The following SEL1L3 variants were observed in gnomAD, a reference collection of about 807,000 sequenced individuals.
SEL1L3 encodes the protein SEL1L family member 3.
SEL1L3 carries 76 observed loss-of-function variants against 142.8 expected under a neutral mutation model. That is an observed-to-expected ratio of 0.53 (90% CI 0.44 to 0.64). The LOEUF (loss-of-function observed/expected upper bound fraction) is 0.64. Ranked by LOEUF, SEL1L3 falls within the 30% of genes least tolerant of loss-of-function variation. The probability of loss-of-function intolerance (pLI) is 0.00; values close to 1 mark genes in which losing one functional copy is unlikely to be tolerated. For synonymous variants in SEL1L3, 504 were observed against 519.6 expected, an observed-to-expected ratio of 0.97 and a Z score of 0.41; for missense variants, 1,262 against 1,381.7, an observed-to-expected ratio of 0.91 and a Z score of 1.37.
chr4:25,861,517 CA>C (rs1717703720), intron 1 of SEL1L3, among the ~76,000 whole-genome samples: 1 of 152,024 alleles, frequency 6.6e-6, no homozygotes, highest in Admixed American at 6.5e-5. Context: ...TCTTCAGAAT[CA>C]AATTCTAATT....
chr4:25,840,840 G>C (rs1425273228), intron 2 of SEL1L3, among the ~76,000 whole-genome samples: 1 of 152,048 alleles, frequency 6.6e-6, no homozygotes, highest in East Asian at 1.9e-4. Flanking sequence ...TCAACACCAT[G>C]CTCTAGGCAG....
chr4:25,737,646 T>C, the SEL1L3 span, among the ~76,000 whole-genome samples: 1 of 152,190 alleles, frequency 6.6e-6, no homozygotes, highest in African/African-American at 2.4e-5. Context: ...AAAAATACAG[T>C]AGTGTCTCTG....
intron 23 of SEL1L3, chr4:25,756,970 A>G: frequency 5.8e-6 from 7 of 1,215,500 alleles, no homozygotes; most frequent in Non-Finnish European, 7.4e-6. Context: ...CTTTTTAAAG[A>G]AAGTCCTTAT....
Position 25,785,391 on chromosome 4 carries a change from G to A in SEL1L3, c.2218-1101C>T, listed in dbSNP as rs1410677365. 5.9e-5 allele frequency among the ~76,000 whole-genome samples: 9 copies of A among 152,268 alleles called. No homozygotes were observed. In the East Asian group the frequency reaches 1.7e-3, roughly 29 times the overall value. ...GAAATGGGGGCAGAATTTGAATCCA[G>A]ACAAATGGACTCCAGAATCCAAGCT... On this transcript the variant is annotated intron_variant, in intron 13 of 23. Coordinates refer to ENST00000399878, the MANE Select transcript of SEL1L3 (RefSeq NM_015187.5).
In SEL1L3 at chr4:25,788,280, C is replaced by T. The variant is rs767645920; in HGVS notation, c.2161G>A (p.Ala721Thr). The T allele has an allele frequency of 5.0e-6, 8 of 1,613,938 alleles. No homozygotes were observed. The highest frequency in any genetic ancestry group is 3.3e-5 in the Admixed American group (2 of 60,022). Residue 721 changes from alanine (A) to threonine (T), a missense_variant, in exon 13 of 24, where the codon GCC becomes ACC. By Grantham distance (58) the Ala-to-Thr change is moderately conservative. Transcript: ENST00000399878. This position sits in a 1 kb window ranked among gnomAD's most constrained non-coding sequence, Gnocchi z 5.3. ...AACGCAGGATCCTCCGTCTCCAGGG[C>T]GCCCTTGGCGTACCACTCAATTGCT... ...EAAIEWYAKG[A>T]LETEDPALIY...
chr4:25,742,717 C>T (rs1717155608), downstream of SEL1L3, among the ~76,000 whole-genome samples: 1 of 152,184 alleles, frequency 6.6e-6, no homozygotes, highest in Admixed American at 6.5e-5. Context: ...TTTAATATTA[C>T]TTAGTATTTA....
intron 1 of SEL1L3, among the ~76,000 whole-genome samples, chr4:25,848,259 C>T (rs1018460664): frequency 2.0e-4 from 31 of 152,354 alleles, no homozygotes; most frequent in Middle Eastern, 6.8e-3. Context: ...ATTGTCCTGA[C>T]TTTAAATGGT....
intron 21 of SEL1L3, 88 bp from the exon 22 acceptor site, chr4:25,757,878 ATTC>A: frequency 1.1e-6 from 1 of 879,748 alleles, no homozygotes; most frequent in South Asian, 1.5e-5. Context: ...ACAAACCTAC[ATTC>A]TTCTGCTTTT....
intron 3 of SEL1L3, among the ~76,000 whole-genome samples, chr4:25,834,446 C>CT (rs1245620562): frequency 1.3e-5 from 2 of 152,124 alleles, no homozygotes; most frequent in African/African-American, 4.8e-5. Context: ...CCCCAGTAAC[C>CT]AATTTACAGT....
At chr4:25,856,018 G>A (rs13131975) in intron 1 of SEL1L3, among the ~76,000 whole-genome samples, 49,633 of 152,026 alleles carry the variant, frequency 0.33, 9,963 homozygotes, top group Admixed American at 0.44. Flanking sequence ...GAACTGTGAG[G>A]TCAGAGAAGG....
the SEL1L3 span, among the ~76,000 whole-genome samples, chr4:25,739,693 G>C: frequency 6.7e-6 from 1 of 150,132 alleles, no homozygotes; most frequent in African/African-American, 2.5e-5. Flanking sequence ...GTGACAGAGA[G>C]AGACTCCGTC....
At chr4:25,778,857 A>T (rs1229031672) in intron 16 of SEL1L3, among the ~76,000 whole-genome samples, 4 of 152,224 alleles carry the variant, frequency 2.6e-5, no homozygotes, top group Admixed American at 2.6e-4. Context: ...TAGGGGTGGG[A>T]TGAAGTGAGG....
At chr4:25,727,200 G>C in the SEL1L3 span, among the ~76,000 whole-genome samples, 1 of 151,976 alleles carries the variant, frequency 6.6e-6, no homozygotes, top group Non-Finnish European at 1.5e-5. Flanking sequence ...CTACAGGCCT[G>C]TGCCACTACG....
Position 25,766,344 on chromosome 4 carries a change from G to A in SEL1L3, c.2846-909C>T, listed in dbSNP as rs542178042. Among the ~76,000 whole-genome samples the A allele has an allele frequency of 2.0e-5, 3 of 151,652 alleles. No individual in the cohort carries two copies. In the East Asian group the frequency reaches 5.8e-4, roughly 30 times the overall value. ...AATCACATCTACTCAGGAGGCTGAG[G>A]CAGGAGAATCGCTTGAACCTGGGAG... On this transcript the variant is annotated intron_variant, in intron 19 of 23. Transcript: ENST00000399878.
chr4:25,835,423 A>G, intron 2 of SEL1L3, 100 bp from the exon 3 acceptor site: 2 of 1,311,798 alleles, frequency 1.5e-6, no homozygotes, highest in Non-Finnish European at 2.1e-6. Flanking sequence ...CCAATCAAAC[A>G]TTTAAGTGAG....
At chr4:25,770,951 A>G (rs1246805321) in intron 17 of SEL1L3, among the ~76,000 whole-genome samples, 1 of 152,222 alleles carries the variant, frequency 6.6e-6, no homozygotes, top group Admixed American at 6.5e-5. Context: ...ATGCCTCTGC[A>G]GAAACCCTGT....
chr4:25,768,774 A>C (rs898763546), intron 17 of SEL1L3, among the ~76,000 whole-genome samples: 10 of 152,230 alleles, frequency 6.6e-5, no homozygotes, highest in African/African-American at 2.2e-4. Context: ...GGTATTCAAA[A>C]ACATAGCAAA....
intron 14 of SEL1L3, among the ~76,000 whole-genome samples, chr4:25,783,513 T>C (rs1711567219): frequency 6.6e-6 from 1 of 152,230 alleles, no homozygotes; most frequent in Non-Finnish European, 1.5e-5. Flanking sequence ...GTGCCTTGTC[T>C]AGGTGTAGAT....
downstream of SEL1L3, among the ~76,000 whole-genome samples, chr4:25,744,898 C>T (rs992878975): frequency 1.5e-4 from 23 of 152,212 alleles, no homozygotes; most frequent in Admixed American, 2.6e-4. Context: ...CCTGCTGACG[C>T]CTTGATCTTG....
Sources: gnomAD v4.1 joint callset for allele counts (sites outside exome capture counted in the v4.1 genomes callset) on GRCh38, gnomAD v4.1.1 for gene constraint, Gnocchi (gnomAD v3.1) non-coding constraint, MANE v1.5 for transcripts, NCBI Gene and HGNC (gene_info 2026-07-23, HGNC 2026-07-21) for gene names.